ZNF8: variants seen among roughly 807,000 people sequenced by gnomAD.
ZNF8 encodes zinc finger protein 8.
In ZNF8, 9 loss-of-function variants were observed where a neutral mutation model predicts 12.2. The observed-to-expected ratio is 0.73, with a 90% CI of 0.44 to 1.28. The LOEUF (loss-of-function observed/expected upper bound fraction) is 1.28, where lower values mean the gene tolerates loss of function less well. ZNF8 is among the 50% of genes most tolerant of loss of function. The pLI is 0.00. For missense variants in ZNF8, 664 were observed against 729.1 expected (o/e 0.91, Z 1.03); for synonymous variants, 274 against 282.3 (o/e 0.97, Z 0.30).
chr19:58,297,386 T>G lies in ZNF8; in HGVS notation c.*1850T>G, dbSNP rs928660066. 6.6e-6 allele frequency: 1 copy of G among 151,866 alleles called. No individual in the cohort carries two copies. Among genetic ancestry groups the G allele is most frequent in the African/African-American group, 2.4e-5 (1 of 41,348 alleles). The allele number at this position is 151,866 out of a possible 1,614,324, so 9.4% of individuals were successfully genotyped here. A position where few individuals can be genotyped will look rare whatever the true frequency, so the allele number is the denominator to read the frequency against. ...TACATCCTTTACGGTTTTGCAGCAT[T>G]CATAATTGATGTGAAATAAGGAAGA... On this transcript the variant is annotated 3_prime_UTR_variant, in exon 4 of 4. Coordinates refer to ENST00000621650, the MANE Select transcript of ZNF8 (RefSeq NM_021089.3).
chr19:58,289,458 T>C (rs2051403602), intron 3 of ZNF8, among the ~76,000 whole-genome samples: 1 of 147,942 alleles, frequency 6.8e-6, no homozygotes. Flanking sequence ...ATCATGCCAC[T>C]GCACTCCAGC....
In ZNF8 at chr19:58,287,626, A is replaced by G. The variant is rs370456064; in HGVS notation, c.289+1421A>G. 6.5e-5 allele frequency among the ~76,000 whole-genome samples: 9 copies of G among 137,712 alleles called. No homozygotes were observed. In the East Asian group the frequency reaches 1.7e-3, roughly 26 times the overall value. The allele number at this position is 137,712 out of a possible 152,430, so 90.3% of individuals were successfully genotyped here. A position where few individuals can be genotyped will look rare whatever the true frequency, so the allele number is the denominator to read the frequency against. On this transcript the variant is annotated intron_variant, in intron 3 of 3. Coordinates refer to ENST00000621650, the MANE Select transcript of ZNF8 (RefSeq NM_021089.3). ...AGTGCTGGGATTACAGGTATCAGCC[A>G]CTGCACCTGGCCTTTTTTTTTTTTT...
chr19:58,284,238 TAATA>T (rs2051369169), intron 1 of ZNF8, among the ~76,000 whole-genome samples: 1 of 151,136 alleles, frequency 6.6e-6, no homozygotes, highest in Non-Finnish European at 1.5e-5. Flanking sequence ...AAAAAAAAAA[TAATA>T]AATTATTCAG....
chr19:58,285,620 A>T, intron 1 of ZNF8, 97 bp from the exon 2 acceptor site: 4 of 1,579,692 alleles, frequency 2.5e-6, no homozygotes, highest in Non-Finnish European at 3.5e-6. Flanking sequence ...GTCTCTCGTG[A>T]CACAGGCCTG....
In ZNF8 at chr19:58,302,190, C is replaced by A. The variant is rs963470575; in HGVS notation, c.*6654C>A. ...GATATTTTGAAACAGATAAGAAACT[C>A]CTCCGTGGAAATTACTGTTAACTAG... On this transcript the variant is annotated 3_prime_UTR_variant, in exon 4 of 4. Transcript: ENST00000621650. 1 of 152,004 alleles carries A rather than the reference C, an allele frequency of 6.6e-6. No homozygotes were observed. The highest frequency in any genetic ancestry group is 6.5e-5 in the Admixed American group (1 of 15,282). 9.4% of individuals were successfully genotyped at this position (152,004 alleles called of 1,614,324 possible).
At chr19:58,279,837 C>T (rs1188498823) in intron 1 of ZNF8, 1 of 1,380,744 alleles carries the variant, frequency 7.2e-7, no homozygotes, top group Non-Finnish European at 9.5e-7. Context: ...CAGGAAACAA[C>T]AATAATTATC....
rs745791098 is a variant in ZNF8, at chr19:58,285,766, G to C, written c.116G>C (p.Trp39Ser). The C allele has an allele frequency of 6.2e-7, 1 of 1,614,168 alleles. No homozygotes were observed. Among genetic ancestry groups the C allele is most frequent in the Non-Finnish European group, 8.5e-7 (1 of 1,180,016 alleles). ...GCTGTGGACTTTACCCAGGAGGAAT[G>C]GGGGCAGCTGGACCCTACCCAGAGG... ...DVAVDFTQEE[W>S]GQLDPTQRIL... The change falls in exon 2 of 4, where the codon TGG becomes TCG. Residue 39 changes from tryptophan (W) to serine (S), a missense_variant. Around this residue, in one of 3 missense-constraint regions of ZNF8, gnomAD observed 306 missense variants for 308.7 expected, o/e 0.99. Transcript: ENST00000621650.
chr19:58,285,613 T>G, intron 1 of ZNF8, 104 bp from the exon 2 acceptor site: 1 of 1,540,982 alleles, frequency 6.5e-7, no homozygotes, highest in Non-Finnish European at 8.9e-7. Flanking sequence ...ACGTGCAGTC[T>G]CTCGTGACAC....
rs1408859889 is a variant in ZNF8, at chr19:58,301,683, G to C, written c.*6147G>C. ...AGTTGATACTTCTCTGAGGGGGCAT[G>C]GGGTTGGCTGAGGTTATAGCAGCCC... On this transcript the variant is annotated 3_prime_UTR_variant, in exon 4 of 4. Transcript: ENST00000621650. The C allele has an allele frequency of 6.6e-6, 1 of 152,332 alleles. No individual in the cohort carries two copies. The highest frequency in any genetic ancestry group is 2.4e-5 in the African/African-American group (1 of 41,462). 9.4% of individuals were successfully genotyped at this position (152,332 alleles called of 1,614,324 possible).
chr19:58,294,173 C>T lies in ZNF8; in HGVS notation c.365C>T (p.Thr122Met), dbSNP rs200139756. ...CCTGAAGAGGAGCCATCCCATGTCACGGGAAGGGAAGGATTCCCGACAGAT... is the reference window on the plus strand; with the variant it reads ...CCTGAAGAGGAGCCATCCCATGTCATGGGAAGGGAAGGATTCCCGACAGAT... ...GLPEEEPSHV[T>M]GREGFPTDAP... Residue 122 changes from threonine to methionine, a missense_variant, in exon 4 of 4, where the codon ACG becomes ATG. By Grantham distance (81) the Thr-to-Met change is moderately conservative (BLOSUM62 -1). Coordinates refer to ENST00000621650, the MANE Select transcript of ZNF8 (RefSeq NM_021089.3). This position sits in a 1 kb window ranked among gnomAD's most constrained non-coding sequence, Gnocchi z 5.5. 1.3e-4 allele frequency: 210 copies of T among 1,613,962 alleles called. 2 individuals carry two copies. The highest frequency in any genetic ancestry group is 2.6e-4 in the South Asian group (24 of 91,084).
intron 1 of ZNF8, among the ~76,000 whole-genome samples, chr19:58,281,871 G>A (rs2051352386): frequency 6.6e-6 from 1 of 152,310 alleles, no homozygotes; most frequent in Non-Finnish European, 1.5e-5. Flanking sequence ...CCAGCACTTT[G>A]AGAGGCCACA....
intron 3 of ZNF8, among the ~76,000 whole-genome samples, chr19:58,292,815 T>C (rs1222657525): frequency 6.6e-6 from 1 of 152,210 alleles, no homozygotes; most frequent in African/African-American, 2.4e-5. Flanking sequence ...TGTTTATGCA[T>C]TTGTTGAGGG....
rs770450599 is a variant in ZNF8 at position 58,295,286 on chromosome 19, A to G, written c.1478A>G (p.Glu493Gly). ...CACCAGATAACTCACACCAGAGAGG[A>G]GCAGCCCCATGGGCGAAGCCGGCGG... ...IRHQITHTRE[E>G]QPHGRSRRRE... is the part of the protein sequence containing the mutation. The change falls in exon 4 of 4, where the codon GAG (glutamate) becomes GGG (glycine). Residue 493 changes from glutamate (E) to glycine (G), a missense_variant. Transcript: ENST00000621650. The G allele has an allele frequency of 2.5e-6, 4 of 1,614,096 alleles. No homozygotes were observed. The African/African-American group carries it at 5.3e-5, about 22-fold the overall frequency.
intron 1 of ZNF8, among the ~76,000 whole-genome samples, chr19:58,285,095 G>A (rs997621587): frequency 1.3e-5 from 2 of 151,784 alleles, no homozygotes; most frequent in African/African-American, 4.8e-5. Flanking sequence ...GAAAGCAGGC[G>A]AATTTCTGAC....
At position 58,297,392 on chromosome 19, in the gene ZNF8, T is replaced by C. The variant is rs1812502738; in HGVS notation, c.*1856T>C. On this transcript the variant is annotated 3_prime_UTR_variant, in exon 4 of 4. Coordinates refer to ENST00000621650, the MANE Select transcript of ZNF8 (RefSeq NM_021089.3). ...CTTTACGGTTTTGCAGCATTCATAA[T>C]TGATGTGAAATAAGGAAGATAATCC... 6.6e-6 allele frequency: 1 copy of C among 151,012 alleles called. No individual in the cohort carries two copies. Among genetic ancestry groups the C allele is most frequent in the South Asian group, 2.1e-4 (1 of 4,766 alleles). The allele number at this position is 151,012 out of a possible 1,614,324, so 9.4% of individuals were successfully genotyped here. A position where few individuals can be genotyped will look rare whatever the true frequency, so the allele number is the denominator to read the frequency against.
chr19:58,279,028 G>C lies in ZNF8; in HGVS notation c.-54G>C, dbSNP rs746496926. 358 of 1,357,682 alleles carry C rather than the reference G, an allele frequency of 2.6e-4. No homozygotes were observed. Among genetic ancestry groups the C allele is most frequent in the Non-Finnish European group, 3.3e-4 (348 of 1,046,502 alleles). 84.1% of individuals were successfully genotyped at this position (1,357,682 alleles called of 1,614,324 possible). A position where few individuals can be genotyped will look rare whatever the true frequency, so the allele number is the denominator to read the frequency against. On this transcript the variant is annotated 5_prime_UTR_variant, in exon 1 of 4. Coordinates refer to ENST00000621650, the MANE Select transcript of ZNF8 (RefSeq NM_021089.3). ...GTCGGGTGGTCCCTTTGGCTGGAGT[G>C]CCTCTCTGGTCTGGGGATCACCTCA...
rs541161242 is a variant in ZNF8 at position 58,301,484 on chromosome 19, C to T, written c.*5948C>T. 1 of 152,508 alleles carries T rather than the reference C, an allele frequency of 6.6e-6. No individual in the cohort carries two copies. The highest frequency in any genetic ancestry group is 1.9e-4 in the East Asian group (1 of 5,198). 9.4% of individuals were successfully genotyped at this position (152,508 alleles called of 1,614,324 possible). A position where few individuals can be genotyped will look rare whatever the true frequency, so the allele number is the denominator to read the frequency against. On this transcript the variant is annotated 3_prime_UTR_variant, in exon 4 of 4. Transcript: ENST00000621650. ...TATTCTGGATCATTCCTCCTTTCTG[C>T]TCCACCAGCAGTTTGGGGCACAGGC...
In ZNF8 at chr19:58,290,497, G is replaced by A. The variant is rs149061672; in HGVS notation, c.290-3601G>A. On this transcript the variant is annotated intron_variant, in intron 3 of 3. Transcript: ENST00000621650. ...GGGATGGGGACATCTTTGAGGGGCCGTTATTCAGCATACCACATGATTAAA... is the reference window on the plus strand; with the variant it reads ...GGGATGGGGACATCTTTGAGGGGCCATTATTCAGCATACCACATGATTAAA... 3.2e-3 allele frequency among the ~76,000 whole-genome samples: 488 copies of A among 152,182 alleles called. 2 individuals are homozygous for A. Among genetic ancestry groups the A allele is most frequent in the African/African-American group, 0.011 (445 of 41,524 alleles).
At position 58,299,972 on chromosome 19, in the gene ZNF8, C is replaced by T. The variant is rs2051481626; in HGVS notation, c.*4436C>T. 1 of 152,202 alleles carries T rather than the reference C, an allele frequency of 6.6e-6. No individual in the cohort carries two copies. Among genetic ancestry groups the T allele is most frequent in the African/African-American group, 2.4e-5 (1 of 41,442 alleles). 9.4% of individuals were successfully genotyped at this position (152,202 alleles called of 1,614,324 possible). A position where few individuals can be genotyped will look rare whatever the true frequency, so the allele number is the denominator to read the frequency against. On this transcript the variant is annotated 3_prime_UTR_variant, in exon 4 of 4. Coordinates refer to ENST00000621650, the MANE Select transcript of ZNF8 (RefSeq NM_021089.3). Reference sequence around the variant, plus strand: ...TACCTCTTCGGGGTTGTCCTCAAAACGTTGCCGTGTCAGCTCTCACTTTTC... The same window carrying T: ...TACCTCTTCGGGGTTGTCCTCAAAATGTTGCCGTGTCAGCTCTCACTTTTC...
Sources: allele counts gnomAD v4.1 joint callset (sites outside exome capture counted in the v4.1 genomes callset), GRCh38; gene constraint gnomAD v4.1.1; regional missense constraint gnomAD v4.1.1; non-coding constraint Gnocchi (gnomAD v3.1); transcripts MANE v1.5; gene names NCBI Gene and HGNC (gene_info 2026-07-23, HGNC 2026-07-21).